The following TSPAN16 variants were observed in gnomAD, a reference collection of about 807,000 sequenced individuals.
The protein encoded by TSPAN16 is tetraspanin 16.
A neutral mutation model predicts 25.2 loss-of-function variants in TSPAN16; 23 were observed. That is an observed-to-expected ratio of 0.91 (90% CI 0.66 to 1.29). TSPAN16 has a LOEUF of 1.29. TSPAN16 is among the 50% of genes most tolerant of loss of function. The pLI is 0.00. For synonymous variants in TSPAN16, 123 were observed against 124.4 expected (o/e 0.99, Z 0.08); for missense variants, 272 against 299.9 (o/e 0.91, Z 0.69).
At chr19:11,325,440 C>A (rs2147965229) in intron 6 of TSPAN16, 1 of 1,607,884 alleles carries the variant, frequency 6.2e-7, no homozygotes, top group African/African-American at 1.3e-5. Flanking sequence ...GAGCATCCCC[C>A]ACGGCCGGGC....
At chr19:11,322,394 C>T (rs1341149249) in intron 6 of TSPAN16, 1 of 151,424 alleles carries the variant, frequency 6.6e-6, no homozygotes, top group Non-Finnish European at 1.5e-5. Flanking sequence ...GTGGTCATGG[C>T]AATTTCCCAT....
At chr19:11,325,328 T>C (rs567380223) in intron 6 of TSPAN16, 134 of 1,019,820 alleles carry the variant, frequency 1.3e-4, no homozygotes, top group Non-Finnish European at 1.7e-4. Context: ...AGATAACCAC[T>C]GTGGCTCACG....
downstream of TSPAN16, among the ~76,000 whole-genome samples, chr19:11,319,663 A>G (rs1007933468): frequency 6.6e-6 from 1 of 152,104 alleles, no homozygotes; most frequent in Non-Finnish European, 1.5e-5. Flanking sequence ...AGGAACAGCC[A>G]AATGGAAGTG....
intron 6 of TSPAN16, chr19:11,325,525 C>T (rs1297532801): frequency 7.4e-6 from 12 of 1,613,504 alleles, no homozygotes; most frequent in Middle Eastern, 3.3e-4. Flanking sequence ...ATCCACCAGG[C>T]GCTCGAAGAC....
downstream of TSPAN16, among the ~76,000 whole-genome samples, chr19:11,316,690 CTT>C (rs1599349594): frequency 6.6e-6 from 1 of 151,716 alleles, no homozygotes; most frequent in South Asian, 2.1e-4. Context: ...TATAGGCTCA[CTT>C]ATCATTTTTT....
chr19:11,318,927 G>T (rs932143304), downstream of TSPAN16, among the ~76,000 whole-genome samples: 1 of 152,186 alleles, frequency 6.6e-6, no homozygotes, highest in Non-Finnish European at 1.5e-5. Flanking sequence ...GATTACAGGC[G>T]TAAGCCACTG....
chr19:11,311,024 AC>A (rs1047357475), intron 5 of TSPAN16, among the ~76,000 whole-genome samples: 5 of 151,906 alleles, frequency 3.3e-5, no homozygotes, highest in African/African-American at 1.2e-4. Flanking sequence ...TTTTGTAGAG[AC>A]GGGGTTTCGC....
At chr19:11,308,491 G>T (rs1346410411) in intron 5 of TSPAN16, among the ~76,000 whole-genome samples, 1 of 148,456 alleles carries the variant, frequency 6.7e-6, no homozygotes, top group Non-Finnish European at 1.5e-5. Flanking sequence ...TTTTTTTTGA[G>T]ACGGAGTCTT....
downstream of TSPAN16, among the ~76,000 whole-genome samples, chr19:11,317,722 T>A (rs1280294020): frequency 6.6e-6 from 1 of 151,180 alleles, no homozygotes; most frequent in Non-Finnish European, 1.5e-5. Context: ...CTCGAACTCC[T>A]GACCTCAGGA....
intron 4 of TSPAN16, among the ~76,000 whole-genome samples, chr19:11,302,941 TA>T: frequency 6.7e-6 from 1 of 149,594 alleles, no homozygotes; most frequent in East Asian, 2.0e-4. Flanking sequence ...AGGCTGATCT[TA>T]AAAACTCCTG....
chr19:11,318,249 T>C (rs1235250666), downstream of TSPAN16, among the ~76,000 whole-genome samples: 1 of 152,084 alleles, frequency 6.6e-6, no homozygotes, highest in Non-Finnish European at 1.5e-5. Context: ...ATGGTCTCGA[T>C]CTTCTGACCT....
chr19:11,316,219 A>G (rs909044891), downstream of TSPAN16, among the ~76,000 whole-genome samples: 1 of 151,550 alleles, frequency 6.6e-6, no homozygotes, highest in Non-Finnish European at 1.5e-5. Context: ...CCGGGGTTCA[A>G]GTGAGTCTTC....
chr19:11,321,828 G>A (rs2080781573), intron 6 of TSPAN16, among the ~76,000 whole-genome samples: 1 of 152,164 alleles, frequency 6.6e-6, no homozygotes, highest in Non-Finnish European at 1.5e-5. Context: ...CTTGCTGCTG[G>A]GGAGAGAACT....
intron 6 of TSPAN16, chr19:11,325,526 G>T (rs750538732): frequency 1.9e-6 from 3 of 1,613,636 alleles, no homozygotes; most frequent in Non-Finnish European, 2.5e-6. Context: ...TCCACCAGGC[G>T]CTCGAAGACC....
At position 11,302,642 on chromosome 19, in the gene TSPAN16, CAT is replaced by C. The variant is rs200337021; in HGVS notation, c.450+1344_450+1345del. Among the ~76,000 whole-genome samples, 753 of 130,524 alleles carry C rather than the reference CAT, an allele frequency of 5.8e-3. 9 individuals carry two copies. Among genetic ancestry groups the C allele is most frequent in the Admixed American group, 0.026 (328 of 12,596 alleles). The allele number at this position is 130,524 out of a possible 152,430, so 85.6% of individuals were successfully genotyped here. A position where few individuals can be genotyped will look rare whatever the true frequency, so the allele number is the denominator to read the frequency against. On this transcript the variant is annotated intron_variant, in intron 4 of 6. Transcript: ENST00000590327. Reference sequence around the variant, plus strand: ...ATATAAATATATATATACACACATACATATATATATACACATACATATATATA... The same window carrying C: ...ATATAAATATATATATACACACATACATATATATACACATACATATATATA...
chr19:11,312,036 A>G, intron 5 of TSPAN16, 103 bp from the exon 6 acceptor site: 1 of 829,838 alleles, frequency 1.2e-6, no homozygotes, highest in East Asian at 2.7e-5. Flanking sequence ...TCCTCAAAGA[A>G]TCTGAGAGTC....
intron 1 of TSPAN16, among the ~76,000 whole-genome samples, chr19:11,297,617 C>T (rs1291358224): frequency 6.6e-6 from 1 of 152,090 alleles, no homozygotes. Context: ...CTGCCTCAGC[C>T]TCCTGAGTAG....
chr19:11,310,950 G>A (rs569698163), intron 5 of TSPAN16, among the ~76,000 whole-genome samples: 14 of 152,096 alleles, frequency 9.2e-5, no homozygotes, highest in Admixed American at 2.6e-4. Flanking sequence ...TGATCCTCCC[G>A]TCTCAGCCCC....
At chr19:11,323,957 G>A (rs2080796174) in intron 6 of TSPAN16, 1 of 152,172 alleles carries the variant, frequency 6.6e-6, no homozygotes, top group Admixed American at 6.5e-5. Context: ...CGGAGGTCAA[G>A]ATGTACATCT....
Sources: allele counts gnomAD v4.1 joint callset (sites outside exome capture counted in the v4.1 genomes callset), GRCh38; gene constraint gnomAD v4.1.1; transcripts MANE v1.5; gene names NCBI Gene and HGNC (gene_info 2026-07-23, HGNC 2026-07-21).